CAMTA1: variants seen among roughly 807,000 people sequenced by gnomAD.
CAMTA1 encodes the protein calmodulin binding transcription activator 1.
In CAMTA1, 27 loss-of-function variants were observed where a neutral mutation model predicts 170.9. The observed-to-expected ratio is 0.16, with a 90% CI of 0.12 to 0.22. The LOEUF (loss-of-function observed/expected upper bound fraction) is 0.22. Among genes scored for constraint, CAMTA1 ranks in the 10% least tolerant of loss-of-function variants. The pLI is 1.00. For synonymous variants in CAMTA1, 833 were observed against 891.5 expected (o/e 0.93, Z 1.17); for missense variants, 1,619 against 2,217.2 (o/e 0.73, Z 5.42).
At chr1:7,747,907 T>C (rs1251887682) in intron 19 of CAMTA1, 126 bp downstream of exon 19, 2 of 32,374 alleles carry the variant, frequency 6.2e-5, no homozygotes, top group Non-Finnish European at 1.4e-4. Flanking sequence ...TTTTTGGTTG[T>C]TTTTTTTTTT....
intron 6 of CAMTA1, among the ~76,000 whole-genome samples, chr1:7,630,154 T>C (rs76547565): frequency 0.027 from 4,057 of 152,302 alleles, 129 homozygotes; most frequent in South Asian, 0.086. Flanking sequence ...TGCTGCGCAA[T>C]GAAAAGTCCT....
At chr1:7,549,939 G>A (rs1049791172) in intron 6 of CAMTA1, among the ~76,000 whole-genome samples, 1 of 152,030 alleles carries the variant, frequency 6.6e-6, no homozygotes. Flanking sequence ...TATAGAGAGA[G>A]GAACATAAGA....
chr1:7,696,203 G>A (rs1019526424), intron 11 of CAMTA1, among the ~76,000 whole-genome samples: 1 of 151,978 alleles, frequency 6.6e-6, no homozygotes, highest in Non-Finnish European at 1.5e-5. Flanking sequence ...TTGCTGTTTT[G>A]TTTTGTTTTT....
At chr1:7,278,646 A>G (rs7539460) in intron 5 of CAMTA1, among the ~76,000 whole-genome samples, 31,431 of 151,820 alleles carry the variant, frequency 0.21, 3,489 homozygotes, top group East Asian at 0.44. Flanking sequence ...TCCAATCCTG[A>G]GTTTTTGACT....
intron 3 of CAMTA1, among the ~76,000 whole-genome samples, chr1:6,904,875 G>A (rs1678025915): frequency 6.6e-6 from 1 of 151,326 alleles, no homozygotes; most frequent in Non-Finnish European, 1.5e-5. Flanking sequence ...TTACAGGCGT[G>A]AGCCGCCACA....
At chr1:6,902,942 G>A (rs1296825702) in intron 3 of CAMTA1, among the ~76,000 whole-genome samples, 1 of 152,180 alleles carries the variant, frequency 6.6e-6, no homozygotes, top group Non-Finnish European at 1.5e-5. Context: ...TGTACACCAT[G>A]ATCCAACAGT....
intron 11 of CAMTA1, among the ~76,000 whole-genome samples, chr1:7,678,024 G>A (rs980170403): frequency 1.3e-5 from 2 of 152,210 alleles, no homozygotes; most frequent in Non-Finnish European, 2.9e-5. Flanking sequence ...GGCTGTCTGA[G>A]TGGCCAAGCA....
intron 6 of CAMTA1, among the ~76,000 whole-genome samples, chr1:7,535,598 GACGAGTGGCC>G (rs972732970): frequency 1.3e-5 from 2 of 152,198 alleles, no homozygotes; most frequent in African/African-American, 4.8e-5. Flanking sequence ...CAGGACTGGA[GACGAGTGGCC>G]ACTTGCAAGC....
chr1:7,432,477 G>A (rs2092206079), intron 5 of CAMTA1, among the ~76,000 whole-genome samples: 1 of 152,254 alleles, frequency 6.6e-6, no homozygotes, highest in Non-Finnish European at 1.5e-5. Context: ...TTGAGGCACA[G>A]AGACCATTCT....
At chr1:7,418,200 T>C (rs550916927) in intron 5 of CAMTA1, among the ~76,000 whole-genome samples, 2 of 152,240 alleles carry the variant, frequency 1.3e-5, no homozygotes, top group Non-Finnish European at 2.9e-5. Context: ...ACACTTCTTT[T>C]TGTTGTTGTT....
At chr1:7,220,263 C>T (rs993739559) in intron 4 of CAMTA1, among the ~76,000 whole-genome samples, 1 of 152,200 alleles carries the variant, frequency 6.6e-6, no homozygotes, top group African/African-American at 2.4e-5. Context: ...TGGAAATAGA[C>T]CACCTATGAA....
At position 7,251,754 on chromosome 1, in the gene CAMTA1, A is replaced by T. The variant is rs1481284990; in HGVS notation, c.438+2128A>T. Reference sequence around the variant, plus strand: ...GAGACGCAGAGCAGCCTGGGCTTTTATGATAAGCATCCCGGGAGTGCAGAG... The same window carrying T: ...GAGACGCAGAGCAGCCTGGGCTTTTTTGATAAGCATCCCGGGAGTGCAGAG... On this transcript the variant is annotated intron_variant, in intron 5 of 22. Coordinates refer to ENST00000303635, the MANE Select transcript of CAMTA1 (RefSeq NM_015215.4). This position sits in a 1 kb window ranked among gnomAD's most constrained non-coding sequence, Gnocchi z 5.1. Among the ~76,000 whole-genome samples, 1 of 152,180 alleles carries T rather than the reference A, an allele frequency of 6.6e-6. No individual in the cohort carries two copies. Among genetic ancestry groups the T allele is most frequent in the African/African-American group, 2.4e-5 (1 of 41,438 alleles).
chr1:7,146,636 G>A lies in CAMTA1; in HGVS notation c.302+55265G>A, dbSNP rs1180992861. Among the ~76,000 whole-genome samples the A allele has an allele frequency of 6.6e-5, 10 of 152,040 alleles. No individual in the cohort carries two copies. The highest frequency in any genetic ancestry group is 1.2e-4 in the Non-Finnish European group (8 of 68,020). Reference sequence around the variant, plus strand: ...TGCCAGGACCTGTCCCCTGGGGCTGGGTCCTCACTGCTTCCCTGGGACCGG... The same window carrying A: ...TGCCAGGACCTGTCCCCTGGGGCTGAGTCCTCACTGCTTCCCTGGGACCGG... On this transcript the variant is annotated intron_variant, in intron 4 of 22. Coordinates refer to ENST00000303635, the MANE Select transcript of CAMTA1 (RefSeq NM_015215.4). This position sits in a 1 kb window ranked among gnomAD's most constrained non-coding sequence, Gnocchi z 4.3.
rs1027801702 is a variant in CAMTA1 at position 7,125,732 on chromosome 1, C to T, written c.302+34361C>T. 2.6e-5 allele frequency among the ~76,000 whole-genome samples: 4 copies of T among 152,236 alleles called. 1 individual carries two copies. Among genetic ancestry groups the T allele is most frequent in the Admixed American group, 2.6e-4 (4 of 15,304 alleles). ...GGAGCAGCATGTAGGGTGAGAGGGG[C>T]TGAAGGTTGAGGGAACAGGCCCCTG... On this transcript the variant is annotated intron_variant, in intron 4 of 22. Transcript: ENST00000303635.
chr1:7,583,228 G>A (rs11120981), intron 6 of CAMTA1, among the ~76,000 whole-genome samples: 2,985 of 152,172 alleles, frequency 0.02, 79 homozygotes, highest in African/African-American at 0.068. Flanking sequence ...GCATGGGGGT[G>A]TGTGGAAGGA....
At chr1:7,211,319 C>G (rs1658714319) in intron 4 of CAMTA1, among the ~76,000 whole-genome samples, 1 of 152,184 alleles carries the variant, frequency 6.6e-6, no homozygotes, top group Non-Finnish European at 1.5e-5. Context: ...AGTGCATGCA[C>G]CTGTGTGACT....
At chr1:7,582,439 T>C (rs1013038829) in intron 6 of CAMTA1, among the ~76,000 whole-genome samples, 4 of 152,182 alleles carry the variant, frequency 2.6e-5, no homozygotes, top group African/African-American at 9.6e-5. Flanking sequence ...CTCTGGATTC[T>C]CTGGGGTTGG....
Position 7,692,386 on chromosome 1 carries a change from G to C in CAMTA1, c.2914+14653G>C, listed in dbSNP as rs539227189. On this transcript the variant is annotated intron_variant, in intron 11 of 22. Transcript: ENST00000303635. Reference sequence around the variant, plus strand: ...CTCTCTAGGCCTCAGAGAGGGAGGGGGTTTCTCAGGCCGGTCCTTGGCAAG... The same window carrying C: ...CTCTCTAGGCCTCAGAGAGGGAGGGCGTTTCTCAGGCCGGTCCTTGGCAAG... 2.6e-5 allele frequency among the ~76,000 whole-genome samples: 4 copies of C among 152,240 alleles called. 1 individual carries two copies. Among genetic ancestry groups the C allele is most frequent in the African/African-American group, 9.6e-5 (4 of 41,528 alleles).
chr1:7,397,477 G>A (rs1338150059), intron 5 of CAMTA1, among the ~76,000 whole-genome samples: 1 of 151,980 alleles, frequency 6.6e-6, no homozygotes, highest in East Asian at 1.9e-4. Context: ...TTGATATATT[G>A]TATTGGGTTT....
Sources: gnomAD v4.1 joint callset for allele counts (sites outside exome capture counted in the v4.1 genomes callset) on GRCh38, gnomAD v4.1.1 for gene constraint, Gnocchi (gnomAD v3.1) non-coding constraint, MANE v1.5 for transcripts, NCBI Gene and HGNC (gene_info 2026-07-23, HGNC 2026-07-21) for gene names.